Variants in NOC2L observed in about 807,000 individuals in gnomAD.
The protein encoded by NOC2L is nucleolar complex protein 2 homolog.
In NOC2L, 101 loss-of-function variants were observed where a neutral mutation model predicts 94.2. That is an observed-to-expected ratio of 1.07 (90% CI 0.91 to 1.26). The LOEUF is 1.26. Ranked by LOEUF, NOC2L falls within the 50% of genes most tolerant of loss-of-function variation. The probability of loss-of-function intolerance (pLI) is 0.00; values close to 1 mark genes in which losing one functional copy is unlikely to be tolerated. For synonymous variants in NOC2L, 531 were observed against 413.4 expected, an observed-to-expected ratio of 1.28 and a Z score of -3.45; for missense variants, 1,076 against 980.1, an observed-to-expected ratio of 1.10 and a Z score of -1.31.
chr1:946,374 G>C (rs760003104), intron 15 of NOC2L, 28 bp downstream of exon 15: 5 of 1,613,400 alleles, frequency 3.1e-6, no homozygotes, highest in South Asian at 1.1e-5. Flanking sequence ...GGTGCCCTCA[G>C]GTGGCACTAC....
rs946988897 is a variant in NOC2L, at chr1:944,410, C to A, written c.*284G>T. The A allele has an allele frequency of 4.5e-5, 52 of 1,161,490 alleles. No homozygotes were observed. The highest frequency in any genetic ancestry group is 5.5e-5 in the Non-Finnish European group (50 of 903,692). 71.9% of individuals were successfully genotyped at this position (1,161,490 alleles called of 1,614,324 possible). On this transcript the variant is annotated 3_prime_UTR_variant, in exon 19 of 19. Transcript: ENST00000327044. ...GGGCCAGGGGCCTGCAGGCCTCCCC[C>A]TGGAACTGGGACTGGTCTCGGTCTG...
At position 953,171 on chromosome 1, in the gene NOC2L, C is replaced by T. The variant is rs750426615; in HGVS notation, c.1002+4G>A. Reference sequence around the variant, plus strand: ...AGGGACACAGACGCAGGGCCCACCACTACCTTGAGGACGGGGCCAAGGAAA... The same window carrying T: ...AGGGACACAGACGCAGGGCCCACCATTACCTTGAGGACGGGGCCAAGGAAA... On this transcript the variant is annotated splice_donor_region_variant and intron_variant, in intron 9 of 18. Coordinates refer to ENST00000327044, the MANE Select transcript of NOC2L (RefSeq NM_015658.4). 1.9e-6 allele frequency: 3 copies of T among 1,605,162 alleles called. No homozygotes were observed. Among genetic ancestry groups the T allele is most frequent in the Admixed American group, 1.7e-5 (1 of 60,008 alleles).
chr1:945,169 CAT>C, intron 17 of NOC2L, 23 bp from the exon 18 acceptor site: 3 of 1,573,542 alleles, frequency 1.9e-6, no homozygotes, highest in Non-Finnish European at 2.6e-6. Context: ...AAGCAGAGTC[CAT>C]ATGACTCCCA....
In NOC2L at chr1:946,497, C is replaced by T; in HGVS notation, c.1708G>A (p.Val570Met). The T allele has an allele frequency of 6.2e-7, 1 of 1,613,292 alleles. No homozygotes were observed. Among genetic ancestry groups the T allele is most frequent in the Middle Eastern group, 1.6e-4 (1 of 6,062 alleles). The change falls in exon 15 of 19, where the codon GTG (valine) becomes ATG (methionine). Residue 570 changes from valine (V) to methionine (M), a missense_variant. Transcript: ENST00000327044. ...ECKVANYCRQ[V>M]QQLLGKVQEN... ...TGAACCTTCCCAAGCAGCTGCTGCACCTGCCGGCAGTAGTTGGCCACCTTG... is the reference window on the plus strand; with the variant it reads ...TGAACCTTCCCAAGCAGCTGCTGCATCTGCCGGCAGTAGTTGGCCACCTTG...
At chr1:953,517 C>T (rs1311490428) in intron 8 of NOC2L, among the ~76,000 whole-genome samples, 2 of 152,226 alleles carry the variant, frequency 1.3e-5, no homozygotes, top group East Asian at 1.9e-4. Flanking sequence ...GACACGCCGA[C>T]GTATGTGAGA....
At chr1:955,620 T>C (rs773169219) in intron 6 of NOC2L, among the ~76,000 whole-genome samples, 1 of 152,090 alleles carries the variant, frequency 6.6e-6, no homozygotes, top group Non-Finnish European at 1.5e-5. Context: ...CAAAGGGAAA[T>C]AGAGCAAGAA....
In NOC2L at chr1:959,093, G is replaced by T. The variant is rs530735167; in HGVS notation, c.27-12C>A. 1 of 1,609,246 alleles carries T rather than the reference G, an allele frequency of 6.2e-7. No individual in the cohort carries two copies. The highest frequency in any genetic ancestry group is 1.3e-5 in the African/African-American group (1 of 74,840). ...GCTCCGCCAGGCGCCTGCGGGTCAC[G>T]CAGGAGTCACAGCTGCCCGCACGCC... is the stretch of plus-strand genomic sequence containing the variant. On this transcript the variant is annotated splice_polypyrimidine_tract_variant and intron_variant, in intron 1 of 18. Transcript: ENST00000327044.
intron 12 of NOC2L, among the ~76,000 whole-genome samples, 180 bp downstream of exon 12, chr1:950,947 C>A (rs1642244760): frequency 6.6e-6 from 1 of 152,176 alleles, no homozygotes; most frequent in South Asian, 2.1e-4. Flanking sequence ...CCCCAGTGGT[C>A]CCACGTTCCC....
chr1:952,695 C>G (rs1327281887), intron 9 of NOC2L, 95 bp from the exon 10 acceptor site: 1 of 1,250,260 alleles, frequency 8.0e-7, no homozygotes, highest in Non-Finnish European at 1.2e-6. Flanking sequence ...GCCTTTCCCT[C>G]AGAGCTGGGC....
intron 2 of NOC2L, chr1:958,620 C>T (rs113807053): frequency 1.2e-5 from 7 of 581,336 alleles, no homozygotes; most frequent in Admixed American, 1.1e-4. Flanking sequence ...CTTCCTTTCC[C>T]TCCCCAGCAC....
In NOC2L at chr1:951,148, C is replaced by A. The variant is rs140822917; in HGVS notation, c.1422G>T (p.Pro474=). The A allele has an allele frequency of 5.0e-6, 8 of 1,587,878 alleles. No homozygotes were observed. In the Admixed American group the frequency reaches 8.8e-5, roughly 17 times the overall value. The change falls in exon 12 of 19, where the codon CCG becomes CCT. Residue 474 remains proline, a synonymous_variant. Transcript: ENST00000327044. ...LLSGSSGAFI[P]VLPFILEMFQ... is the part of the protein sequence containing the mutation. The stretch of plus-strand genomic sequence containing the variant: ...TCACCTCCAGGATGAAAGGCAGCAC[C>A]GGGATGAAGGCCCCCGAGCTCCCCG...
intron 14 of NOC2L, chr1:947,164 C>T (rs1642137703): frequency 6.6e-6 from 1 of 152,314 alleles, no homozygotes. Flanking sequence ...CGTAGGAAGC[C>T]ACGTTTACCA....
At chr1:955,582 GAGTATGGACAGGACTTACA>G (rs1642377586) in intron 6 of NOC2L, among the ~76,000 whole-genome samples, 1 of 152,208 alleles carries the variant, frequency 6.6e-6, no homozygotes, top group South Asian at 2.1e-4. Flanking sequence ...AGAGATCAAG[GAGTATGGACAGGACTTACA>G]AGTTCTTACA....
Position 956,915 on chromosome 1 carries a change from C to T in NOC2L, c.465G>A (p.Glu155=). The change falls in exon 4 of 19, where the codon GAG becomes GAA. Residue 155 remains glutamate (E), a synonymous_variant. Coordinates refer to ENST00000327044, the MANE Select transcript of NOC2L (RefSeq NM_015658.4). ...TCACCTTTGCTGCCTGCTTCCATCT[C>T]TCAACCATGGCGACGGTCACAGGAA... The part of the protein sequence containing the change: ...NSVPVTVAMV[E]RWKQAAKQRL... 2 of 1,614,042 alleles carry T rather than the reference C, an allele frequency of 1.2e-6. No individual in the cohort carries two copies. The highest frequency in any genetic ancestry group is 1.7e-6 in the Non-Finnish European group (2 of 1,180,042).
At chr1:957,434 C>T (rs946441990) in intron 2 of NOC2L, 161 bp from the exon 3 acceptor site, 8 of 652,464 alleles carry the variant, frequency 1.2e-5, no homozygotes, top group Non-Finnish European at 1.8e-5. Flanking sequence ...TACCCAACAA[C>T]CTCTACAACA....
chr1:952,627 C>G, intron 9 of NOC2L, 27 bp from the exon 10 acceptor site: 1 of 1,612,582 alleles, frequency 6.2e-7, no homozygotes, highest in South Asian at 1.1e-5. Context: ...GTCAGAGCCA[C>G]CTGGGATCAG....
chr1:955,260 CCT>C (rs762786566), intron 6 of NOC2L, among the ~76,000 whole-genome samples: 88 of 152,362 alleles, frequency 5.8e-4, no homozygotes, highest in African/African-American at 1.6e-3. Context: ...CAACAGTGCC[CCT>C]GTCTCCTGAG....
rs746921496 is a variant in NOC2L, at chr1:957,130, C to T, written c.323G>A (p.Gly108Glu). 3 of 1,614,076 alleles carry T rather than the reference C, an allele frequency of 1.9e-6. No individual in the cohort carries two copies. The highest frequency in any genetic ancestry group is 1.3e-5 in the African/African-American group (1 of 75,068). ...CACATCTGGCAGGGAGTGGAACGGC[C>T]CCTCTTCCTCCTCAGAGCTGTCCGA... is the stretch of plus-strand genomic sequence containing the variant. ...SDSDSSEEEE[G>E]PFHSLPDVLE... Residue 108 changes from glycine to glutamate, a missense_variant, in exon 3 of 19, where the codon GGG becomes GAG. Transcript: ENST00000327044.
chr1:956,876 C>T lies in NOC2L; in HGVS notation c.486+18G>A. 1.9e-6 allele frequency: 3 copies of T among 1,612,724 alleles called. No individual in the cohort carries two copies. The highest frequency in any genetic ancestry group is 2.5e-6 in the Non-Finnish European group (3 of 1,179,962). On this transcript the variant is annotated intron_variant, in intron 4 of 18. Coordinates refer to ENST00000327044, the MANE Select transcript of NOC2L (RefSeq NM_015658.4). ...TTCTGCCTGGGCACCCAGCTGCCCG[C>T]CCCTGGCTGCTGCTCACCTTTGCTG...
Sources: allele counts gnomAD v4.1 joint callset (sites outside exome capture counted in the v4.1 genomes callset), GRCh38; gene constraint gnomAD v4.1.1; transcripts MANE v1.5; gene names NCBI Gene and HGNC (gene_info 2026-07-23, HGNC 2026-07-21).